The following FRYL variants were observed in gnomAD, a reference collection of about 807,000 sequenced individuals.
The protein encoded by FRYL is protein furry homolog-like.
FRYL carries 150 observed loss-of-function variants against 351.2 expected under a neutral mutation model. That is an observed-to-expected ratio of 0.43 (90% CI 0.37 to 0.49). FRYL has a LOEUF of 0.49. Ranked by LOEUF, FRYL falls within the 20% of genes least tolerant of loss-of-function variation. The probability of loss-of-function intolerance (pLI) is 0.00; values close to 1 mark genes in which losing one functional copy is unlikely to be tolerated. For synonymous variants in FRYL, 1,153 were observed against 1,257.1 expected (o/e 0.92, Z 1.75); for missense variants, 3,036 against 3,619.3 (o/e 0.84, Z 4.13).
At chr4:48,628,669 AAGG>A (rs1331412608) in intron 4 of FRYL, among the ~76,000 whole-genome samples, 3 of 152,118 alleles carry the variant, frequency 2.0e-5, no homozygotes, top group Non-Finnish European at 4.4e-5. Context: ...GCCATAATAG[AAGG>A]AGGATATTGA....
Position 48,581,438 on chromosome 4 carries a change from T to C in FRYL, c.2154A>G (p.Ala718=), listed in dbSNP as rs763432232. The C allele has an allele frequency of 1.9e-6, 3 of 1,606,654 alleles. No homozygotes were observed. The highest frequency in any genetic ancestry group is 2.7e-5 in the African/African-American group (2 of 74,414). Residue 718 remains alanine (A), a synonymous_variant, in exon 21 of 64, where the codon GCA becomes GCG. Transcript: ENST00000358350. ...ATCTTACCTTAGGTATTTCCAGAAG[T>C]GCAAATAAAGCCCGTATTTCTCTAA... ...SVLREIRALF[A]LLEIPKGDDE...
intron 1 of FRYL, among the ~76,000 whole-genome samples, chr4:48,741,976 G>A (rs1203082777): frequency 1.3e-5 from 2 of 152,182 alleles, no homozygotes; most frequent in African/African-American, 2.4e-5. Context: ...CCCATGGAGT[G>A]TACAACACCA....
chr4:48,714,029 C>A (rs1331392405), intron 1 of FRYL, among the ~76,000 whole-genome samples: 2 of 151,790 alleles, frequency 1.3e-5, no homozygotes, highest in South Asian at 4.2e-4. Context: ...CTACTGGGTA[C>A]ATAACAAAAT....
At position 48,677,130 on chromosome 4, in the gene FRYL, T is replaced by G. The variant is rs551243050; in HGVS notation, c.-81+7543A>C. On this transcript the variant is annotated intron_variant, in intron 3 of 63. Transcript: ENST00000358350. ...GTTGTTTGAGAACTTCTAGGAAAAT[T>G]TTTAAAATATTAGGCTACTTAACAT... Among the ~76,000 whole-genome samples, 41 of 152,264 alleles carry G rather than the reference T, an allele frequency of 2.7e-4. 1 individual carries two copies. Among genetic ancestry groups the G allele is most frequent in the African/African-American group, 9.6e-4 (40 of 41,544 alleles).
At chr4:48,518,645 T>A (rs1398524761) in intron 55 of FRYL, among the ~76,000 whole-genome samples, 1 of 152,192 alleles carries the variant, frequency 6.6e-6, no homozygotes, top group Non-Finnish European at 1.5e-5. Flanking sequence ...CCAGCCTTAC[T>A]GGCCAGTTTT....
chr4:48,512,397 A>G (rs1560514613), intron 57 of FRYL, 84 bp downstream of exon 57: 2 of 1,124,056 alleles, frequency 1.8e-6, no homozygotes, highest in South Asian at 1.5e-5. Flanking sequence ...GAATATTAAA[A>G]TCGGAGATGC....
In FRYL at chr4:48,504,104, A is replaced by T. The variant is rs73814778; in HGVS notation, c.8464-1259T>A. Among the ~76,000 whole-genome samples, 469 of 152,212 alleles carry T rather than the reference A, an allele frequency of 3.1e-3. 1 individual carries two copies. The highest frequency in any genetic ancestry group is 0.011 in the African/African-American group (449 of 41,546). On this transcript the variant is annotated intron_variant, in intron 60 of 63. Coordinates refer to ENST00000358350, the MANE Select transcript of FRYL (RefSeq NM_015030.2). ...TACTCTAAATATGCTAAAACAGTGC[A>T]GTTTTTGTGGATGAGTGTGTGTGTG...
At chr4:48,545,035 C>T in intron 42 of FRYL, 131 bp from the exon 43 acceptor site, 1 of 812,478 alleles carries the variant, frequency 1.2e-6, no homozygotes, top group Non-Finnish European at 1.9e-6. Flanking sequence ...CAGTCTACTA[C>T]TACTTAGGCA....
chr4:48,684,123 A>G (rs114939806), intron 3 of FRYL, among the ~76,000 whole-genome samples: 2,762 of 152,306 alleles, frequency 0.018, 79 homozygotes, highest in African/African-American at 0.062. Context: ...GGTGTTATAG[A>G]AGATCCCACA....
At chr4:48,648,935 C>T (rs983167645) in intron 3 of FRYL, among the ~76,000 whole-genome samples, 1 of 152,046 alleles carries the variant, frequency 6.6e-6, no homozygotes, top group Non-Finnish European at 1.5e-5. Flanking sequence ...TAAAACCCAC[C>T]AAATTGAATA....
In FRYL at chr4:48,609,831, T is replaced by G; in HGVS notation, c.412-8A>C. ...TACAGGATGAACAGGAATCTAGAAT[T>G]TAAAAAAATTATCAAGTAAGAGTTA... On this transcript the variant is annotated splice_polypyrimidine_tract_variant and splice_region_variant and intron_variant, in intron 7 of 63. Transcript: ENST00000358350. The G allele has an allele frequency of 6.7e-7, 1 of 1,486,626 alleles. No individual in the cohort carries two copies. Among genetic ancestry groups the G allele is most frequent in the Non-Finnish European group, 9.2e-7 (1 of 1,085,748 alleles). 92.1% of individuals were successfully genotyped at this position (1,486,626 alleles called of 1,614,324 possible).
At chr4:48,664,843 C>T (rs1761437287) in intron 3 of FRYL, among the ~76,000 whole-genome samples, 2 of 152,034 alleles carry the variant, frequency 1.3e-5, no homozygotes, top group African/African-American at 4.8e-5. Flanking sequence ...CAAAATAAAC[C>T]ACTCAATAAT....
intron 46 of FRYL, 30 bp from the exon 47 acceptor site, chr4:48,540,098 C>T: frequency 6.6e-7 from 1 of 1,509,574 alleles, no homozygotes; most frequent in Non-Finnish European, 9.1e-7. Flanking sequence ...CAAACAATAA[C>T]CAATTTTATT....
Position 48,695,254 on chromosome 4 carries a change from G to A in FRYL, c.-203-10459C>T, listed in dbSNP as rs1227961613. Among the ~76,000 whole-genome samples the A allele has an allele frequency of 7.2e-5, 11 of 152,088 alleles. No individual in the cohort carries two copies. In the East Asian group the frequency reaches 2.1e-3, roughly 29 times the overall value. On this transcript the variant is annotated intron_variant, in intron 2 of 63. Transcript: ENST00000358350. Reference sequence around the variant, plus strand: ...GCTCTGAGACTGTGATCCTCTAAAGGGTACATACATCATTACATCTCCCAC... The same window carrying A: ...GCTCTGAGACTGTGATCCTCTAAAGAGTACATACATCATTACATCTCCCAC...
intron 53 of FRYL, among the ~76,000 whole-genome samples, chr4:48,524,555 T>C (rs1725590837): frequency 6.6e-6 from 1 of 152,208 alleles, no homozygotes; most frequent in South Asian, 2.1e-4. Context: ...AATCAAAGTA[T>C]TTCCTATTAC....
chr4:48,498,610 C>CAGAT lies in FRYL; in HGVS notation c.*808_*811dup, dbSNP rs1364464112. The CAGAT allele has an allele frequency of 6.6e-6, 1 of 152,582 alleles. No homozygotes were observed. The highest frequency in any genetic ancestry group is 2.4e-5 in the African/African-American group (1 of 41,440). 9.5% of individuals were successfully genotyped at this position (152,582 alleles called of 1,614,324 possible). Reference sequence around the variant, plus strand: ...CTGAGCAGCATTCCAATAACGTTAACAGATATATTATTTCTTTTTGAAATA... The same window carrying CAGAT: ...CTGAGCAGCATTCCAATAACGTTAACAGATAGATATATTATTTCTTTTTGAAATA... On this transcript the variant is annotated 3_prime_UTR_variant, in exon 64 of 64. Transcript: ENST00000358350.
chr4:48,535,647 G>T lies in FRYL; in HGVS notation c.6564+10C>A. ...TATAGTAAATAAGAAAATATTTTTG[G>T]TAAATTTACCTCTGCAAGATAAGTC... is the stretch of plus-strand genomic sequence containing the variant. On this transcript the variant is annotated intron_variant, in intron 48 of 63. Transcript: ENST00000358350. 6.5e-7 allele frequency: 1 copy of T among 1,535,212 alleles called. No individual in the cohort carries two copies. The highest frequency in any genetic ancestry group is 8.8e-7 in the Non-Finnish European group (1 of 1,137,040).
At chr4:48,638,974 G>A (rs547005855) in intron 3 of FRYL, among the ~76,000 whole-genome samples, 8 of 152,178 alleles carry the variant, frequency 5.3e-5, no homozygotes, top group South Asian at 2.1e-4. Context: ...GAGGCTAAGG[G>A]AGGGATAGCA....
chr4:48,580,673 G>A, intron 22 of FRYL, 192 bp downstream of exon 22: 2 of 468,524 alleles, frequency 4.3e-6, no homozygotes, highest in Non-Finnish European at 7.5e-6. Flanking sequence ...ATGTAGAAGA[G>A]TACTTAACCA....
Sources: allele counts gnomAD v4.1 joint callset (sites outside exome capture counted in the v4.1 genomes callset), GRCh38; gene constraint gnomAD v4.1.1; transcripts MANE v1.5; gene names NCBI Gene and HGNC (gene_info 2026-07-23, HGNC 2026-07-21).